The following GALNTL6 variants were observed in gnomAD, a reference collection of about 807,000 sequenced individuals.
GALNTL6 encodes polypeptide N-acetylgalactosaminyltransferase-like 6.
GALNTL6 carries 46 observed loss-of-function variants against 73.7 expected under a neutral mutation model. The observed-to-expected ratio is 0.62, with a 90% CI of 0.49 to 0.80. GALNTL6 has a LOEUF of 0.80. Ranked by LOEUF, GALNTL6 falls within the 30% of genes least tolerant of loss-of-function variation. The pLI, the probability that GALNTL6 is intolerant of heterozygous loss-of-function variation, is 0.00. For synonymous variants in GALNTL6, 259 were observed against 263.7 expected (o/e 0.98, Z 0.17); for missense variants, 604 against 755.0 (o/e 0.80, Z 2.34).
intron 2 of GALNTL6, among the ~76,000 whole-genome samples, chr4:171,846,481 G>A (rs906303296): frequency 1.3e-5 from 2 of 152,066 alleles, no homozygotes; most frequent in Non-Finnish European, 2.9e-5. Flanking sequence ...GCTGGGGCTC[G>A]TTGGCTGCAT....
intron 5 of GALNTL6, among the ~76,000 whole-genome samples, chr4:172,558,080 A>G (rs1373980168): frequency 6.6e-6 from 1 of 152,214 alleles, no homozygotes; most frequent in Non-Finnish European, 1.5e-5. Context: ...TAATGGAATG[A>G]TGATATATCC....
At chr4:172,315,001 G>A (rs576110517) in intron 4 of GALNTL6, among the ~76,000 whole-genome samples, 1 of 152,270 alleles carries the variant, frequency 6.6e-6, no homozygotes, top group East Asian at 1.9e-4. Context: ...TTCAGAATCA[G>A]CATAGATTTC....
At chr4:171,919,647 A>G (rs2110976223) in intron 2 of GALNTL6, among the ~76,000 whole-genome samples, 1 of 152,288 alleles carries the variant, frequency 6.6e-6, no homozygotes, top group Middle Eastern at 3.4e-3. Context: ...GGATGAAATC[A>G]TCTTCCATAA....
intron 2 of GALNTL6, among the ~76,000 whole-genome samples, chr4:172,088,345 A>T (rs1732108466): frequency 6.6e-6 from 1 of 152,186 alleles, no homozygotes; most frequent in Non-Finnish European, 1.5e-5. Flanking sequence ...CTGAAACTGA[A>T]TAGACAAAAA....
chr4:172,992,691 A>C (rs1309954729), intron 10 of GALNTL6, among the ~76,000 whole-genome samples: 1 of 152,180 alleles, frequency 6.6e-6, no homozygotes, highest in Non-Finnish European at 1.5e-5. Context: ...GCAGGGTCTG[A>C]AAAATACCTC....
At chr4:172,417,662 A>C (rs1200968784) in intron 5 of GALNTL6, among the ~76,000 whole-genome samples, 1 of 152,086 alleles carries the variant, frequency 6.6e-6, no homozygotes, top group Non-Finnish European at 1.5e-5. Context: ...AAAAATAATA[A>C]AAAAATTAAA....
intron 5 of GALNTL6, among the ~76,000 whole-genome samples, chr4:172,366,108 C>G (rs1171176016): frequency 6.6e-6 from 1 of 152,082 alleles, no homozygotes; most frequent in African/African-American, 2.4e-5. Context: ...GGTCATATTC[C>G]TACATTCTGT....
intron 5 of GALNTL6, among the ~76,000 whole-genome samples, chr4:172,384,964 T>C (rs1743408885): frequency 1.6e-5 from 1 of 62,440 alleles, no homozygotes; most frequent in African/African-American, 6.0e-5. Flanking sequence ...TGTTATGTTG[T>C]AATTTTGTGT....
intron 2 of GALNTL6, among the ~76,000 whole-genome samples, chr4:171,902,061 AT>A (rs1233580086): frequency 6.6e-6 from 1 of 152,146 alleles, no homozygotes; most frequent in East Asian, 1.9e-4. Flanking sequence ...TGCTAGTTCA[AT>A]TTTATTTAAG....
At position 172,702,899 on chromosome 4, in the gene GALNTL6, A is replaced by G. The variant is rs751794397; in HGVS notation, c.554-106462A>G. Among the ~76,000 whole-genome samples the G allele has an allele frequency of 3.9e-5, 6 of 151,982 alleles. 1 individual carries two copies. Among genetic ancestry groups the G allele is most frequent in the Non-Finnish European group, 7.4e-5 (5 of 67,958 alleles). ...TAAAGTTTATTACTCGTATAAAGACATGCAATTGACTTTTCTATGGTTAAG... is the reference window on the plus strand; with the variant it reads ...TAAAGTTTATTACTCGTATAAAGACGTGCAATTGACTTTTCTATGGTTAAG... On this transcript the variant is annotated intron_variant, in intron 5 of 12. Transcript: ENST00000506823.
chr4:171,824,661 C>T (rs1299229125), intron 2 of GALNTL6, among the ~76,000 whole-genome samples: 2 of 152,096 alleles, frequency 1.3e-5, no homozygotes, highest in Non-Finnish European at 2.9e-5. Flanking sequence ...AGAGAAAAAA[C>T]ATGTTCCCAC....
intron 2 of GALNTL6, among the ~76,000 whole-genome samples, chr4:172,162,750 G>C (rs745903542): frequency 3.5e-4 from 53 of 152,024 alleles, no homozygotes; most frequent in Non-Finnish European, 1.9e-4. Flanking sequence ...TGGCTAACAA[G>C]TAATCAAGTA....
intron 5 of GALNTL6, among the ~76,000 whole-genome samples, chr4:172,352,837 G>T (rs527977215): frequency 6.6e-6 from 1 of 152,050 alleles, no homozygotes; most frequent in South Asian, 2.1e-4. Flanking sequence ...GGACAGAAAA[G>T]GGAAGTAGTT....
At chr4:172,642,147 C>T (rs1740015195) in intron 5 of GALNTL6, among the ~76,000 whole-genome samples, 2 of 151,848 alleles carry the variant, frequency 1.3e-5, no homozygotes, top group South Asian at 4.2e-4. Flanking sequence ...TTAGTACAAC[C>T]ATTGTAGAAA....
At chr4:172,567,558 G>C (rs746013429) in intron 5 of GALNTL6, among the ~76,000 whole-genome samples, 1 of 152,092 alleles carries the variant, frequency 6.6e-6, no homozygotes, top group Admixed American at 6.5e-5. Context: ...CTTGTTGGCC[G>C]GGTGTGGTAG....
intron 5 of GALNTL6, among the ~76,000 whole-genome samples, chr4:172,574,597 A>T (rs1401117805): frequency 6.6e-6 from 1 of 151,882 alleles, no homozygotes; most frequent in Non-Finnish European, 1.5e-5. Context: ...GGGGAGAATT[A>T]TGAGTATGAA....
Position 172,479,016 on chromosome 4 carries a change from A to G in GALNTL6, c.553+130327A>G, listed in dbSNP as rs112263144. Reference sequence around the variant, plus strand: ...TTTTTTTAAAAGTCAGAAAACAAATAGATGTTGGTGTGGATGTGGTGAAAA... The same window carrying G: ...TTTTTTTAAAAGTCAGAAAACAAATGGATGTTGGTGTGGATGTGGTGAAAA... On this transcript the variant is annotated intron_variant, in intron 5 of 12. Transcript: ENST00000506823. 7.3e-3 allele frequency among the ~76,000 whole-genome samples: 1,119 copies of G among 152,304 alleles called. 18 individuals carry two copies. The highest frequency in any genetic ancestry group is 0.025 in the African/African-American group (1,051 of 41,562).
At position 171,855,851 on chromosome 4, in the gene GALNTL6, T is replaced by C. The variant is rs79623334; in HGVS notation, c.138+41133T>C. On this transcript the variant is annotated intron_variant, in intron 2 of 12. Transcript: ENST00000506823. ...ATTCTTGTTTTAATTTAGAATTATC[T>C]AATGACATATGAAGTTGAGCATCTT... is the stretch of plus-strand genomic sequence containing the variant. Among the ~76,000 whole-genome samples, 932 of 152,310 alleles carry C rather than the reference T, an allele frequency of 6.1e-3. 12 individuals carry two copies. Among genetic ancestry groups the C allele is most frequent in the African/African-American group, 0.021 (861 of 41,564 alleles).
chr4:172,822,104 A>G (rs777234137), intron 7 of GALNTL6, among the ~76,000 whole-genome samples: 15 of 152,162 alleles, frequency 9.9e-5, no homozygotes, highest in Non-Finnish European at 2.2e-4. Flanking sequence ...GATGTTCCCT[A>G]TGACTTTCTC....
Sources: gnomAD v4.1 joint callset for allele counts (sites outside exome capture counted in the v4.1 genomes callset) on GRCh38, gnomAD v4.1.1 for gene constraint, MANE v1.5 for transcripts, NCBI Gene and HGNC (gene_info 2026-07-23, HGNC 2026-07-21) for gene names.